The following NOP14 variants were observed in gnomAD, a reference collection of about 807,000 sequenced individuals.
NOP14 encodes NOP14 nucleolar protein, also known as nucleolar protein 14.
Under a neutral mutation model 101.6 loss-of-function variants are expected in NOP14, and 57 were observed. The ratio of observed to expected loss-of-function variants is 0.56; its 90% CI spans 0.45 to 0.70. The LOEUF (loss-of-function observed/expected upper bound fraction) is 0.70. Ranked by LOEUF, NOP14 falls within the 30% of genes least tolerant of loss-of-function variation. The probability of loss-of-function intolerance (pLI) is 0.00; values close to 1 mark genes in which losing one functional copy is unlikely to be tolerated. For synonymous variants in NOP14, 428 were observed against 424.0 expected (o/e 1.01, Z -0.12); for missense variants, 1,134 against 1,075.5 (o/e 1.05, Z -0.76).
rs1463649041 is a variant in NOP14 at position 2,942,217 on chromosome 4, T to A, written c.2026A>T (p.Thr676Ser). Residue 676 changes from threonine (T) to serine (S), a missense_variant, in exon 14 of 18, where the codon ACT becomes TCT. Thr to Ser is a moderately conservative substitution (Grantham distance 58). Coordinates refer to ENST00000416614, the MANE Select transcript of NOP14 (RefSeq NM_001291978.2). ...LRWASRLRAP[T>S]STEANHIRLS... Reference sequence around the variant, plus strand: ...CGGATGTGATTGGCCTCTGTCGAAGTTGGGGCCCTCAGTCTACTCGCCCAG... The same window carrying A: ...CGGATGTGATTGGCCTCTGTCGAAGATGGGGCCCTCAGTCTACTCGCCCAG... The A allele has an allele frequency of 1.9e-6, 3 of 1,614,082 alleles. No individual in the cohort carries two copies. Among genetic ancestry groups the A allele is most frequent in the Non-Finnish European group, 2.5e-6 (3 of 1,179,994 alleles).
intron 10 of NOP14, chr4:2,946,878 TC>T (rs1050340188): frequency 1.8e-5 from 6 of 325,874 alleles, no homozygotes; most frequent in African/African-American, 1.1e-4. Context: ...GACAGGTACT[TC>T]TTTGATAGTG....
In NOP14 at chr4:2,944,242, TG is replaced by T; in HGVS notation, c.1738-17del. 6.2e-7 allele frequency: 1 copy of T among 1,607,466 alleles called. No homozygotes were observed. On this transcript the variant is annotated splice_polypyrimidine_tract_variant and intron_variant, in intron 12 of 17. Coordinates refer to ENST00000416614, the MANE Select transcript of NOP14 (RefSeq NM_001291978.2). ...GGATGGGGCACTGGAAAGGAACATA[TG>T]GGGGGTTACTGTCCTGGGACGATGT...
At chr4:2,939,053 G>A in intron 17 of NOP14, 123 bp from the exon 18 acceptor site, 2 of 1,497,148 alleles carry the variant, frequency 1.3e-6, no homozygotes. Flanking sequence ...ACAGGGGGAA[G>A]TGAACCTGCC....
intron 9 of NOP14, among the ~76,000 whole-genome samples, 186 bp downstream of exon 9, chr4:2,948,092 C>A (rs901991937): frequency 3.3e-5 from 5 of 152,246 alleles, no homozygotes; most frequent in Non-Finnish European, 5.9e-5. Context: ...GGGGCCAAAG[C>A]CAAGGGAGGC....
intron 1 of NOP14, chr4:2,961,226 T>G (rs11724805): frequency 1.7e-4 from 1 of 6,022 alleles, no homozygotes; most frequent in African/African-American, 6.0e-4. Flanking sequence ...ATATTAATAT[T>G]GTTAGTATAT....
At chr4:2,941,805 G>C (rs1460521159) in intron 14 of NOP14, 76 bp from the exon 15 acceptor site, 2 of 1,497,718 alleles carry the variant, frequency 1.3e-6, no homozygotes, top group East Asian at 2.3e-5. Flanking sequence ...TGGCAAAAAT[G>C]AACTTCCCCA....
intron 15 of NOP14, 66 bp from the exon 16 acceptor site, chr4:2,939,711 G>T: frequency 8.3e-7 from 1 of 1,211,134 alleles, no homozygotes. Flanking sequence ...CTCCACGCAC[G>T]GGTTCTGTGG....
intron 9 of NOP14, 138 bp downstream of exon 9, chr4:2,948,140 C>T: frequency 8.8e-7 from 1 of 1,131,318 alleles, no homozygotes; most frequent in Admixed American, 2.7e-5. Context: ...CAGCCATCAT[C>T]ATAGGTAACC....
chr4:2,948,252 G>A lies in NOP14; in HGVS notation c.1413+26C>T, dbSNP rs145463176. ...ACGGGGCTATGCTGACACTCCCAGC[G>A]CTCCACACACACTCAATCCACGTAC... On this transcript the variant is annotated intron_variant, in intron 9 of 17. Coordinates refer to ENST00000416614, the MANE Select transcript of NOP14 (RefSeq NM_001291978.2). 1,171 of 1,578,138 alleles carry A rather than the reference G, an allele frequency of 7.4e-4. 5 individuals are homozygous for A. Among genetic ancestry groups the A allele is most frequent in the Middle Eastern group, 4.7e-3 (28 of 5,912 alleles).
At chr4:2,952,814 G>C (rs770787371) in intron 5 of NOP14, among the ~76,000 whole-genome samples, 2 of 152,132 alleles carry the variant, frequency 1.3e-5, no homozygotes, top group African/African-American at 2.4e-5. Flanking sequence ...ATGGTGGCAC[G>C]CGCCTGTAAT....
chr4:2,941,871 C>T, intron 14 of NOP14, 142 bp from the exon 15 acceptor site: 1 of 969,744 alleles, frequency 1.0e-6, no homozygotes. Context: ...GGGTTGGGCC[C>T]ATGCAACCAC....
At position 2,938,631 on chromosome 4, in the gene NOP14, G is replaced by A. The variant is rs12651499; in HGVS notation, c.*200C>T. ...AGCAGTCCTCCTGCTTCAGCCTCCC[G>A]AGTAGTTGGGACTACAGGTGCGTGC... On this transcript the variant is annotated 3_prime_UTR_variant, in exon 18 of 18. Transcript: ENST00000416614. 100,527 of 567,032 alleles carry A rather than the reference G, an allele frequency of 0.18. 10,710 individuals are homozygous for A. Among genetic ancestry groups the A allele is most frequent in the South Asian group, 0.31 (14,330 of 46,906 alleles). The allele number at this position is 567,032 out of a possible 1,614,324, so 35.1% of individuals were successfully genotyped here.
Position 2,939,516 on chromosome 4 carries a change from C to T in NOP14, c.2318+11G>A. 1 of 1,611,656 alleles carries T rather than the reference C, an allele frequency of 6.2e-7. No individual in the cohort carries two copies. The highest frequency in any genetic ancestry group is 8.5e-7 in the Non-Finnish European group (1 of 1,178,102). ...GCCCTGGCCTCCCAGGGAGATGCTG[C>T]CAGCACCCACACTTTGACCAGCCGG... On this transcript the variant is annotated intron_variant, in intron 16 of 17. Coordinates refer to ENST00000416614, the MANE Select transcript of NOP14 (RefSeq NM_001291978.2).
At chr4:2,951,352 C>T (rs1715019748) in intron 6 of NOP14, 107 bp from the exon 7 acceptor site, 2 of 960,164 alleles carry the variant, frequency 2.1e-6, no homozygotes, top group Non-Finnish European at 1.5e-6. Context: ...GTCCTCCCAG[C>T]TCTGAGGCTG....
At chr4:2,942,484 A>G in intron 13 of NOP14, 133 bp from the exon 14 acceptor site, 16 of 970,268 alleles carry the variant, frequency 1.6e-5, no homozygotes, top group Non-Finnish European at 2.3e-5. Flanking sequence ...GGGTTGTGCC[A>G]GACACTGAGG....
At chr4:2,948,996 G>A (rs1446521712) in intron 8 of NOP14, among the ~76,000 whole-genome samples, 2 of 152,118 alleles carry the variant, frequency 1.3e-5, no homozygotes, top group African/African-American at 4.8e-5. Context: ...CACAGTTTCA[G>A]AGCATCTTGG....
At chr4:2,959,622 A>G (rs910171275) in intron 1 of NOP14, among the ~76,000 whole-genome samples, 3 of 152,122 alleles carry the variant, frequency 2.0e-5, no homozygotes, top group Middle Eastern at 3.4e-3. Flanking sequence ...AAACACAAAC[A>G]AACCACCTTG....
chr4:2,946,968 G>A (rs561089272), intron 10 of NOP14: 5 of 228,228 alleles, frequency 2.2e-5, no homozygotes, highest in South Asian at 6.1e-5. Flanking sequence ...TCATGGATCC[G>A]AAGCCAACAC....
At position 2,940,055 on chromosome 4, in the gene NOP14, C is replaced by T. The variant is rs1025891453; in HGVS notation, c.2200-410G>A. ...CTTCGTGAGAAGGCTCACAGGAGAACCCCTTTCTGCCGCGGGGGGCCGTGT... is the reference window on the plus strand; with the variant it reads ...CTTCGTGAGAAGGCTCACAGGAGAATCCCTTTCTGCCGCGGGGGGCCGTGT... On this transcript the variant is annotated intron_variant, in intron 15 of 17. Coordinates refer to ENST00000416614, the MANE Select transcript of NOP14 (RefSeq NM_001291978.2). Among the ~76,000 whole-genome samples the T allele has an allele frequency of 9.8e-5, 15 of 152,356 alleles. No individual in the cohort carries two copies. In the South Asian group the frequency reaches 3.1e-3, roughly 32 times the overall value.
Sources: allele counts gnomAD v4.1 joint callset (sites outside exome capture counted in the v4.1 genomes callset), GRCh38; gene constraint gnomAD v4.1.1; transcripts MANE v1.5; gene names NCBI Gene and HGNC (gene_info 2026-07-23, HGNC 2026-07-21).